The following CAPN1 variants were observed in gnomAD, a reference collection of about 807,000 sequenced individuals.
CAPN1 encodes calpain-1 catalytic subunit.
Under a neutral mutation model 105.2 loss-of-function variants are expected in CAPN1, and 77 were observed. The ratio of observed to expected loss-of-function variants is 0.73; its 90% CI spans 0.61 to 0.88. The LOEUF (loss-of-function observed/expected upper bound fraction) is 0.88. CAPN1 is among the 40% of genes least tolerant of loss of function. The pLI, the probability that CAPN1 is intolerant of heterozygous loss-of-function variation, is 0.00. For missense variants in CAPN1, 833 were observed against 976.6 expected (o/e 0.85, Z 1.96); for synonymous variants, 355 against 388.8 (o/e 0.91, Z 1.02).
In CAPN1 at chr11:65,184,841, C is replaced by T. The variant is rs531526134; in HGVS notation, c.457-1076C>T. Among the ~76,000 whole-genome samples the T allele has an allele frequency of 2.6e-5, 4 of 152,302 alleles. No homozygotes were observed. The East Asian group carries it at 5.8e-4, about 22-fold the overall frequency. On this transcript the variant is annotated intron_variant, in intron 4 of 21. Coordinates refer to ENST00000279247, the MANE Select transcript of CAPN1 (RefSeq NM_005186.4). ...TGTTTGTTCAGTGACTCCCTAAAGG[C>T]TTTGCCTGTGCTCTTGTTTAAGTCT...
rs771215027 is a variant in CAPN1 at position 65,209,429 on chromosome 11, G to T, written c.1794+42G>T. ...TTTTGTCTCCTGAGTGGGGTTTTGG[G>T]TGGAGGTATCGGTGCTGGGAGAACT... On this transcript the variant is annotated intron_variant, in intron 17 of 21. Transcript: ENST00000279247. The surrounding 1 kb of genome is among the most constrained non-coding windows in gnomAD (Gnocchi z 4.1). 1.9e-5 allele frequency: 30 copies of T among 1,552,040 alleles called. No homozygotes were observed. The South Asian group carries it at 3.3e-4, about 17-fold the overall frequency.
intron 4 of CAPN1, 182 bp downstream of exon 4, chr11:65,183,774 G>T: frequency 1.7e-6 from 1 of 577,498 alleles, no homozygotes; most frequent in Non-Finnish European, 3.1e-6. Context: ...CAGGTATTTC[G>T]GCTGGCAGTT....
rs1948723107 is a variant in CAPN1, at chr11:65,191,855, C to T, written c.1165+3109C>T. On this transcript the variant is annotated intron_variant, in intron 10 of 21. Transcript: ENST00000279247. ...TTATTTTTAGGAGCAACCCTATTAACTAAGCCTCACTCTTAAAGGGGAAGT... is the reference window on the plus strand; with the variant it reads ...TTATTTTTAGGAGCAACCCTATTAATTAAGCCTCACTCTTAAAGGGGAAGT... Among the ~76,000 whole-genome samples, 3 of 152,118 alleles carry T rather than the reference C, an allele frequency of 2.0e-5. No homozygotes were observed. In the South Asian group the frequency reaches 6.2e-4, roughly 31 times the overall value.
In CAPN1 at chr11:65,198,179, C is replaced by A. The variant is rs1216787551; in HGVS notation, c.1166-6504C>A. Among the ~76,000 whole-genome samples the A allele has an allele frequency of 3.3e-5, 5 of 151,358 alleles. No individual in the cohort carries two copies. In the East Asian group the frequency reaches 9.7e-4, roughly 29 times the overall value. On this transcript the variant is annotated intron_variant, in intron 10 of 21. Transcript: ENST00000279247. ...TCTCTGAGACAGGGTCTGGCTCTGT[C>A]ACCCAGGCTGGAGTGTGGTGGCGTG...
At chr11:65,194,967 C>G (rs949173164) in intron 10 of CAPN1, among the ~76,000 whole-genome samples, 13 of 152,094 alleles carry the variant, frequency 8.5e-5, no homozygotes, top group Admixed American at 2.6e-4. Context: ...AGCAGCAGCA[C>G]CATTTTATAT....
Position 65,188,495 on chromosome 11 carries a change from G to C in CAPN1, c.1004+7G>C. The C allele has an allele frequency of 6.2e-7, 1 of 1,612,118 alleles. No homozygotes were observed. The highest frequency in any genetic ancestry group is 8.5e-7 in the Non-Finnish European group (1 of 1,178,910). On this transcript the variant is annotated splice_region_variant and intron_variant, in intron 9 of 21. Transcript: ENST00000279247. This position sits in a 1 kb window ranked among gnomAD's most constrained non-coding sequence, Gnocchi z 5.5. ...TGGAGGACGGGGAGTTCTGGTGAGC[G>C]CCCCCTCCCCTTCTACCCCACCTCT... is the stretch of plus-strand genomic sequence containing the variant.
intron 10 of CAPN1, among the ~76,000 whole-genome samples, chr11:65,198,079 T>C (rs902392544): frequency 6.6e-6 from 1 of 152,072 alleles, no homozygotes; most frequent in African/African-American, 2.4e-5. Flanking sequence ...CTAATTTTTT[T>C]CTCTGTGAGT....
rs1948822256 is a variant in CAPN1, at chr11:65,198,428, G to A, written c.1166-6255G>A. On this transcript the variant is annotated intron_variant, in intron 10 of 21. Transcript: ENST00000279247. ...CCCAAAGTGCTAGGATTACAGGCGT[G>A]AGCCACTGTGCCCAGCCCTAATCAA... 2.0e-5 allele frequency among the ~76,000 whole-genome samples: 3 copies of A among 152,122 alleles called. No homozygotes were observed. In the South Asian group the frequency reaches 6.2e-4, roughly 32 times the overall value.
chr11:65,187,262 G>C lies in CAPN1; in HGVS notation c.807G>C (p.Val269=). Residue 269 remains valine (V), a synonymous_variant, in exon 7 of 22, where the codon GTG becomes GTC. Transcript: ENST00000279247. ...DMEAITFKKL[V]KGHAYSVTGA... ...AGGCCATCACTTTCAAGAAGTTGGTGAAGGGCCATGCCTACTCTGTGACCG... is the reference window on the plus strand; with the variant it reads ...AGGCCATCACTTTCAAGAAGTTGGTCAAGGGCCATGCCTACTCTGTGACCG... The C allele has an allele frequency of 6.2e-7, 1 of 1,613,386 alleles. No homozygotes were observed. Among genetic ancestry groups the C allele is most frequent in the Non-Finnish European group, 8.5e-7 (1 of 1,179,598 alleles).
chr11:65,183,344 G>C, intron 3 of CAPN1, 130 bp from the exon 4 acceptor site: 2 of 1,113,830 alleles, frequency 1.8e-6, no homozygotes, highest in Non-Finnish European at 2.7e-6. Context: ...CCAGATTCCT[G>C]GGTCTTTTCT....
In CAPN1 at chr11:65,210,785, C is replaced by T; in HGVS notation, c.2060-29C>T. On this transcript the variant is annotated intron_variant, in intron 20 of 21. Transcript: ENST00000279247. This position sits in a 1 kb window ranked among gnomAD's most constrained non-coding sequence, Gnocchi z 4.3. ...CGTGAATATCCCACTGAGTTTTCAG[C>T]CCTGTATCACCTTTTCTTGAACACA... is the stretch of plus-strand genomic sequence containing the variant. The T allele has an allele frequency of 1.9e-6, 3 of 1,593,920 alleles. No individual in the cohort carries two copies. Among genetic ancestry groups the T allele is most frequent in the African/African-American group, 1.3e-5 (1 of 74,598 alleles).
intron 10 of CAPN1, among the ~76,000 whole-genome samples, chr11:65,197,816 A>C (rs2137358037): frequency 7.4e-6 from 1 of 135,190 alleles, no homozygotes; most frequent in Admixed American, 8.4e-5. Context: ...TGAACCTGGG[A>C]GGTGGAGGTT....
Position 65,209,413 on chromosome 11 carries a change from C to T in CAPN1, c.1794+26C>T. On this transcript the variant is annotated intron_variant, in intron 17 of 21. Coordinates refer to ENST00000279247, the MANE Select transcript of CAPN1 (RefSeq NM_005186.4). This position sits in a 1 kb window ranked among gnomAD's most constrained non-coding sequence, Gnocchi z 4.1. ...GTATCCTTCCGTTTGCTTTTGTCTC[C>T]TGAGTGGGGTTTTGGGTGGAGGTAT... 1 of 1,603,044 alleles carries T rather than the reference C, an allele frequency of 6.2e-7. No homozygotes were observed. Among genetic ancestry groups the T allele is most frequent in the Non-Finnish European group, 8.5e-7 (1 of 1,171,582 alleles).
intron 4 of CAPN1, among the ~76,000 whole-genome samples, chr11:65,184,773 G>C (rs1056220025): frequency 6.6e-6 from 1 of 152,150 alleles, no homozygotes; most frequent in Non-Finnish European, 1.5e-5. Flanking sequence ...GGAAAGCCCA[G>C]GCCCCAGAGC....
chr11:65,204,611 C>A, intron 10 of CAPN1, 72 bp from the exon 11 acceptor site: 1 of 1,353,720 alleles, frequency 7.4e-7, no homozygotes, highest in Non-Finnish European at 1.0e-6. Flanking sequence ...CAGGGACGTG[C>A]TGAGGAGGCT....
In CAPN1 at chr11:65,208,595, T is replaced by G; in HGVS notation, c.1729+333T>G. 2.4e-6 allele frequency: 1 copy of G among 415,976 alleles called. No individual in the cohort carries two copies. 25.8% of individuals were successfully genotyped at this position (415,976 alleles called of 1,614,324 possible). The stretch of plus-strand genomic sequence containing the variant: ...GAGTTCAACACCAGCCTGGACAATA[T>G]GGAGAGACCCTGTCTCTGCAAAAAA... On this transcript the variant is annotated intron_variant, in intron 16 of 21. Transcript: ENST00000279247. The surrounding 1 kb of genome is among the most constrained non-coding windows in gnomAD (Gnocchi z 4.1).
intron 1 of CAPN1, 67 bp from the exon 2 acceptor site, chr11:65,182,634 G>C: frequency 7.0e-7 from 1 of 1,437,504 alleles, no homozygotes; most frequent in Non-Finnish European, 9.1e-7. Flanking sequence ...AGCAGAGCTT[G>C]CAGGCAGGAG....
In CAPN1 at chr11:65,206,707, C is replaced by G. The variant is rs1304635405; in HGVS notation, c.1565+33C>G. On this transcript the variant is annotated intron_variant, in intron 13 of 21. Coordinates refer to ENST00000279247, the MANE Select transcript of CAPN1 (RefSeq NM_005186.4). ...ATGGACTGGCCCCTGCCACTCTCCC[C>G]TCTCCCAGCCTCCCCTCTCAGGCCC... 3 of 1,610,356 alleles carry G rather than the reference C, an allele frequency of 1.9e-6. No individual in the cohort carries two copies. In the Admixed American group the frequency reaches 5.0e-5, roughly 27 times the overall value.
chr11:65,211,408 C>T lies in CAPN1; in HGVS notation c.*122C>T. 1 of 874,664 alleles carries T rather than the reference C, an allele frequency of 1.1e-6. No homozygotes were observed. The highest frequency in any genetic ancestry group is 1.8e-6 in the Non-Finnish European group (1 of 540,612). 54.2% of individuals were successfully genotyped at this position (874,664 alleles called of 1,614,324 possible). A position where few individuals can be genotyped will look rare whatever the true frequency, so the allele number is the denominator to read the frequency against. ...GCCTTCCTTGGAGCAGAGAGGCAGCCTCGTCCTCCTGTCCCCTCTCCTCCC... is the reference window on the plus strand; with the variant it reads ...GCCTTCCTTGGAGCAGAGAGGCAGCTTCGTCCTCCTGTCCCCTCTCCTCCC... On this transcript the variant is annotated 3_prime_UTR_variant, in exon 22 of 22. Coordinates refer to ENST00000279247, the MANE Select transcript of CAPN1 (RefSeq NM_005186.4).
Sources: allele counts gnomAD v4.1 joint callset (sites outside exome capture counted in the v4.1 genomes callset), GRCh38; gene constraint gnomAD v4.1.1; non-coding constraint Gnocchi (gnomAD v3.1); transcripts MANE v1.5; gene names NCBI Gene and HGNC (gene_info 2026-07-23, HGNC 2026-07-21).